Variants in CSMD1 observed in about 807,000 individuals in gnomAD.
CSMD1 encodes the protein CUB and sushi domain-containing protein 1.
A neutral mutation model predicts 417.5 loss-of-function variants in CSMD1; 213 were observed. The observed-to-expected ratio is 0.51, with a 90% CI of 0.46 to 0.57. The LOEUF (loss-of-function observed/expected upper bound fraction) is 0.57. CSMD1 is among the 20% of genes least tolerant of loss of function. The pLI, the probability that CSMD1 is intolerant of heterozygous loss-of-function variation, is 0.00. For missense variants in CSMD1, 6,923 were observed against 4,529.7 expected (o/e 1.53, Z -15.17); for synonymous variants, 2,862 against 1,736.8 (o/e 1.65, Z -16.11).
intron 1 of CSMD1, among the ~76,000 whole-genome samples, chr8:4,676,242 C>T (rs1805673447): frequency 6.6e-6 from 1 of 152,166 alleles, no homozygotes; most frequent in South Asian, 2.1e-4. Context: ...TAGAGTTGCT[C>T]TTCTCCTTTG....
At chr8:3,304,628 G>A (rs537437839) in intron 25 of CSMD1, among the ~76,000 whole-genome samples, 2 of 152,068 alleles carry the variant, frequency 1.3e-5, no homozygotes, top group Non-Finnish European at 2.9e-5. Flanking sequence ...ATTTGATAGT[G>A]TGTACCTCAT....
In CSMD1 at chr8:3,358,098, C is replaced by T. The variant is rs138361573; in HGVS notation, c.3304+1054G>A. ...CCATGGTAAAATAAAACAAGTTATG[C>T]TAAACAAGTTATGCTAAGTGAACAT... On this transcript the variant is annotated intron_variant, in intron 21 of 69. Transcript: ENST00000635120. 1.2e-4 allele frequency among the ~76,000 whole-genome samples: 18 copies of T among 152,222 alleles called. No individual in the cohort carries two copies. In the East Asian group the frequency reaches 3.5e-3, roughly 29 times the overall value.
chr8:4,110,741 CAGAGGTTCAT>C lies in CSMD1; in HGVS notation c.416-78652_416-78643del, dbSNP rs1420101059. 2.0e-5 allele frequency among the ~76,000 whole-genome samples: 3 copies of C among 151,990 alleles called. 1 individual carries two copies. The highest frequency in any genetic ancestry group is 4.4e-5 in the Non-Finnish European group (3 of 67,996). ...CCCCTTTCTCATGCTCTCAACCATC[CAGAGGTTCAT>C]GAACTCAGATTACAGACATTCAAAC... is the stretch of plus-strand genomic sequence containing the variant. On this transcript the variant is annotated intron_variant, in intron 3 of 69. Transcript: ENST00000635120.
At chr8:4,085,504 C>G (rs1300921161) in intron 3 of CSMD1, among the ~76,000 whole-genome samples, 4 of 152,110 alleles carry the variant, frequency 2.6e-5, no homozygotes, top group African/African-American at 9.7e-5. Context: ...CCAATTCTTT[C>G]CTAATATAAA....
intron 3 of CSMD1, among the ~76,000 whole-genome samples, chr8:4,097,977 C>CTG (rs1257314993): frequency 6.6e-6 from 1 of 152,076 alleles, no homozygotes; most frequent in Admixed American, 6.5e-5. Flanking sequence ...TTTTTAGAAT[C>CTG]TGTGGATCAG....
At chr8:3,767,734 G>C (rs1042199907) in intron 5 of CSMD1, among the ~76,000 whole-genome samples, 1 of 152,298 alleles carries the variant, frequency 6.6e-6, no homozygotes, top group Non-Finnish European at 1.5e-5. Flanking sequence ...GTTAAGAGAA[G>C]TGAACCTTAA....
intron 2 of CSMD1, among the ~76,000 whole-genome samples, chr8:4,571,497 G>A (rs971169335): frequency 6.6e-6 from 1 of 152,160 alleles, no homozygotes; most frequent in Non-Finnish European, 1.5e-5. Flanking sequence ...TTGCACTGTG[G>A]TCTGAGAGAC....
In CSMD1 at chr8:3,352,477, G is replaced by A. The variant is rs118006382; in HGVS notation, c.3305-4316C>T. On this transcript the variant is annotated intron_variant, in intron 21 of 69. Transcript: ENST00000635120. ...AAGTTGTAATAATACCATGCCTGAT[G>A]GGGTACAGGAATTTATCTAATTTTG... Among the ~76,000 whole-genome samples the A allele has an allele frequency of 7.0e-4, 107 of 152,282 alleles. 1 individual carries two copies. In the East Asian group the frequency reaches 9.5e-3, roughly 13 times the overall value.
chr8:3,569,913 G>C (rs561947314), intron 10 of CSMD1, among the ~76,000 whole-genome samples: 1 of 151,896 alleles, frequency 6.6e-6, no homozygotes, highest in South Asian at 2.1e-4. Flanking sequence ...AATGACAAAG[G>C]GCAAATAATT....
At chr8:4,978,714 G>A (rs1364869178) in intron 1 of CSMD1, among the ~76,000 whole-genome samples, 5 of 152,144 alleles carry the variant, frequency 3.3e-5, no homozygotes, top group Non-Finnish European at 7.4e-5. Flanking sequence ...AAGGGGAATG[G>A]ATTACTTGAG....
At chr8:2,957,353 T>C (rs1472761429) in intron 63 of CSMD1, among the ~76,000 whole-genome samples, 1 of 152,170 alleles carries the variant, frequency 6.6e-6, no homozygotes, top group East Asian at 1.9e-4. Context: ...CAATATAACA[T>C]TATGCACTTA....
rs35353241 is a variant in CSMD1 at position 3,176,782 on chromosome 8, C to CTT, written c.5725+4326_5725+4327dup. ...TCTTTCTTTCTTTTTCTTTTTCTTT[C>CTT]TTTTTTTTTTTCTTGAGACAGGGTC... On this transcript the variant is annotated intron_variant, in intron 37 of 69. Transcript: ENST00000635120. Among the ~76,000 whole-genome samples the CTT allele has an allele frequency of 6.5e-4, 95 of 146,198 alleles. 1 individual carries two copies. In the East Asian group the frequency reaches 6.7e-3, roughly 10 times the overall value.
chr8:3,748,514 C>T (rs1051215482), intron 6 of CSMD1, among the ~76,000 whole-genome samples: 27 of 152,076 alleles, frequency 1.8e-4, no homozygotes, highest in Admixed American at 1.4e-3. Context: ...TTCCGCTAAA[C>T]GTAACTGAGC....
At chr8:4,556,673 A>G (rs1320105515) in intron 2 of CSMD1, among the ~76,000 whole-genome samples, 1 of 152,202 alleles carries the variant, frequency 6.6e-6, no homozygotes, top group Non-Finnish European at 1.5e-5. Context: ...GCAAACAACA[A>G]AAGTTTTTTT....
intron 3 of CSMD1, among the ~76,000 whole-genome samples, chr8:4,190,770 A>T (rs969017012): frequency 1.3e-5 from 2 of 152,184 alleles, no homozygotes; most frequent in East Asian, 3.9e-4. Context: ...CTATGCGGCC[A>T]TTATAAAATG....
At chr8:4,532,176 C>T (rs1435052069) in intron 2 of CSMD1, among the ~76,000 whole-genome samples, 1 of 146,952 alleles carries the variant, frequency 6.8e-6, no homozygotes, top group Non-Finnish European at 1.5e-5. Context: ...AGAAATCCTG[C>T]ACCTCCATTC....
chr8:3,658,390 T>A (rs1334781994), intron 7 of CSMD1, among the ~76,000 whole-genome samples: 1 of 150,832 alleles, frequency 6.6e-6, no homozygotes, highest in Non-Finnish European at 1.5e-5. Context: ...TTGTAAATCA[T>A]CCCAATCTTA....
intron 42 of CSMD1, among the ~76,000 whole-genome samples, chr8:3,113,830 A>G (rs1816687335): frequency 6.6e-6 from 1 of 152,212 alleles, no homozygotes; most frequent in South Asian, 2.1e-4. Flanking sequence ...ACAAGGAAAC[A>G]TCTCTTTATT....
At chr8:3,168,295 G>A (rs1050086927) in intron 37 of CSMD1, among the ~76,000 whole-genome samples, 1 of 152,162 alleles carries the variant, frequency 6.6e-6, no homozygotes, top group Admixed American at 6.6e-5. Context: ...CTTGTTGGCT[G>A]TAGTGTTTAT....
Sources: gnomAD v4.1 joint callset for allele counts (sites outside exome capture counted in the v4.1 genomes callset) on GRCh38, gnomAD v4.1.1 for gene constraint, MANE v1.5 for transcripts, NCBI Gene and HGNC (gene_info 2026-07-23, HGNC 2026-07-21) for gene names.